ELAC1: variants seen among roughly 807,000 people sequenced by gnomAD.
ELAC1 encodes the protein zinc phosphodiesterase ELAC protein 1.
In ELAC1, 19 loss-of-function variants were observed where a neutral mutation model predicts 25.8. That is an observed-to-expected ratio of 0.74 (90% CI 0.51 to 1.08). ELAC1 has a LOEUF of 1.08. Ranked by LOEUF, ELAC1 falls within the 50% of genes least tolerant of loss-of-function variation. The probability of loss-of-function intolerance (pLI) is 0.00; values close to 1 mark genes in which losing one functional copy is unlikely to be tolerated. For missense variants in ELAC1, 403 were observed against 434.6 expected (o/e 0.93, Z 0.65); for synonymous variants, 148 against 160.9 (o/e 0.92, Z 0.61).
At position 50,974,504 on chromosome 18, in the gene ELAC1, C is replaced by T. The variant is rs757593917; in HGVS notation, c.100C>T (p.Leu34Phe). The part of the protein sequence containing the change: ...VVLRCEGECW[L>F]FDCGEGTQTQ... ...CCTTCGGTGTGAAGGCGAGTGCTGG[C>T]TCTTTGACTGTGGGGAGGGAACACA... The change falls in exon 2 of 4, where the codon CTC (leucine) becomes TTC (phenylalanine). Residue 34 changes from leucine (L) to phenylalanine (F), a missense_variant. Transcript: ENST00000269466. 1 of 1,613,044 alleles carries T rather than the reference C, an allele frequency of 6.2e-7. No individual in the cohort carries two copies. The highest frequency in any genetic ancestry group is 8.5e-7 in the Non-Finnish European group (1 of 1,179,540).
intron 2 of ELAC1, among the ~76,000 whole-genome samples, chr18:50,975,055 C>G (rs181852083): frequency 6.6e-5 from 10 of 152,182 alleles, no homozygotes; most frequent in Admixed American, 6.5e-4. Flanking sequence ...GCATTTCAAT[C>G]AGGGGGAATG....
intron 2 of ELAC1, among the ~76,000 whole-genome samples, chr18:50,980,073 C>T (rs1005642473): frequency 1.4e-4 from 22 of 152,268 alleles, no homozygotes; most frequent in Admixed American, 1.4e-3. Context: ...CACAGTGGCT[C>T]ATGCATGTAA....
In ELAC1 at chr18:50,984,251, C is replaced by A. The variant is rs1014406057; in HGVS notation, c.313C>A (p.Arg105=). The change falls in exon 3 of 4, where the codon CGA becomes AGA. Residue 105 remains arginine (R), a synonymous_variant. Coordinates refer to ENST00000269466, the MANE Select transcript of ELAC1 (RefSeq NM_018696.3). ...GPVGLRDFIW[R]TMELSHTELV... is the part of the protein sequence containing the mutation. ...TGTAGGGCTTCGGGACTTTATCTGG[C>A]GAACCATGGAACTCTCTCACACGGA... 1.2e-6 allele frequency: 2 copies of A among 1,614,098 alleles called. No individual in the cohort carries two copies. The highest frequency in any genetic ancestry group is 1.1e-5 in the South Asian group (1 of 91,080).
chr18:50,976,495 G>C (rs1907798748), intron 2 of ELAC1, among the ~76,000 whole-genome samples: 1 of 152,158 alleles, frequency 6.6e-6, no homozygotes, highest in South Asian at 2.1e-4. Flanking sequence ...CAACCCGTCA[G>C]ATCTCATGAG....
chr18:50,972,491 G>GTA (rs1377717695), intron 1 of ELAC1, among the ~76,000 whole-genome samples: 1 of 151,934 alleles, frequency 6.6e-6, no homozygotes, highest in East Asian at 1.9e-4. Context: ...ATGTATGTAT[G>GTA]TATTTGTTGA....
intron 2 of ELAC1, among the ~76,000 whole-genome samples, chr18:50,975,064 T>G (rs377047198): frequency 4.1e-4 from 62 of 152,104 alleles, no homozygotes; most frequent in Non-Finnish European, 5.9e-5. Flanking sequence ...TCAGGGGGAA[T>G]GGAGTGAGCA....
At chr18:50,973,193 A>G (rs1362622393) in intron 1 of ELAC1, among the ~76,000 whole-genome samples, 4 of 152,088 alleles carry the variant, frequency 2.6e-5, no homozygotes, top group East Asian at 1.9e-4. Context: ...AAGTTTTTGT[A>G]TATTTTATAT....
chr18:50,980,237 G>A (rs928359957), intron 2 of ELAC1, among the ~76,000 whole-genome samples: 2 of 152,012 alleles, frequency 1.3e-5, no homozygotes, highest in Non-Finnish European at 2.9e-5. Context: ...TTGAGCCCAG[G>A]AGGTCAAAGC....
chr18:50,985,714 G>A (rs958108275), intron 3 of ELAC1, among the ~76,000 whole-genome samples: 1 of 152,196 alleles, frequency 6.6e-6, no homozygotes, highest in Admixed American at 6.5e-5. Flanking sequence ...TTACCTGAAA[G>A]CCTGTGGAAA....
chr18:50,974,676 T>C (rs1342904626), intron 2 of ELAC1, 115 bp downstream of exon 2: 5 of 957,298 alleles, frequency 5.2e-6, no homozygotes, highest in Non-Finnish European at 6.4e-6. Context: ...CCCACTTCAG[T>C]GCTACACCCT....
chr18:50,973,029 G>T (rs902409852), intron 1 of ELAC1, among the ~76,000 whole-genome samples: 5 of 152,192 alleles, frequency 3.3e-5, no homozygotes, highest in African/African-American at 2.4e-5. Flanking sequence ...TCCTATCAGG[G>T]ACATAATGTG....
chr18:50,976,502 T>G (rs1907798938), intron 2 of ELAC1, among the ~76,000 whole-genome samples: 1 of 152,152 alleles, frequency 6.6e-6, no homozygotes, highest in Non-Finnish European at 1.5e-5. Flanking sequence ...TCAGATCTCA[T>G]GAGACTTATT....
intron 1 of ELAC1, 33 bp downstream of exon 1, chr18:50,968,147 G>GGCGC (rs1283182686): frequency 6.6e-6 from 1 of 152,144 alleles, no homozygotes; most frequent in Non-Finnish European, 1.5e-5. Flanking sequence ...GAGGGGGGCG[G>GGCGC]GCGCGCTTCC....
At chr18:50,972,914 A>T (rs1907702764) in intron 1 of ELAC1, among the ~76,000 whole-genome samples, 2 of 151,892 alleles carry the variant, frequency 1.3e-5, no homozygotes, top group Admixed American at 1.3e-4. Flanking sequence ...TGATTTTTGG[A>T]TTGTTTCTGT....
intron 1 of ELAC1, among the ~76,000 whole-genome samples, chr18:50,971,896 ATGTG>A (rs370758383): frequency 0.043 from 5,431 of 127,744 alleles, 459 homozygotes; most frequent in African/African-American, 0.15. Context: ...ATATGTATAT[ATGTG>A]TGTGTGTGTG....
chr18:50,984,099 G>C lies in ELAC1; in HGVS notation c.161G>C (p.Arg54Thr), dbSNP rs778267003. The C allele has an allele frequency of 3.8e-6, 6 of 1,570,716 alleles. No homozygotes were observed. The highest frequency in any genetic ancestry group is 8.6e-7 in the Non-Finnish European group (1 of 1,160,070). The change falls in exon 3 of 4, where the codon AGA (arginine) becomes ACA (threonine). Residue 54 changes from arginine (R) to threonine (T), a missense_variant. Arg to Thr is a moderately conservative substitution (Grantham distance 71). Transcript: ENST00000269466. ...QLMKSQLKAG[R>T]ITKIFITHLH... ...ATTTCTCTATCTCAATCAAAAGGGA[G>C]AATTACCAAGATCTTCATCACACAC...
Position 50,982,800 on chromosome 18 carries a change from C to T in ELAC1, c.158-1296C>T, listed in dbSNP as rs72913222. 3.8e-3 allele frequency among the ~76,000 whole-genome samples: 577 copies of T among 152,278 alleles called. 1 individual carries two copies. Among genetic ancestry groups the T allele is most frequent in the Non-Finnish European group, 6.5e-3 (443 of 68,018 alleles). On this transcript the variant is annotated intron_variant, in intron 2 of 3. Coordinates refer to ENST00000269466, the MANE Select transcript of ELAC1 (RefSeq NM_018696.3). ...GCCTTCTGTTGCCCACCTTCCTTCT[C>T]AGTTCTTCATCTTTTTCCCTCTCCT... is the stretch of plus-strand genomic sequence containing the variant.
chr18:50,977,286 G>A (rs1348691336), intron 2 of ELAC1, among the ~76,000 whole-genome samples: 1 of 152,228 alleles, frequency 6.6e-6, no homozygotes, highest in Non-Finnish European at 1.5e-5. Context: ...GAGGTTCTTT[G>A]TGAGGGCTCC....
chr18:50,973,642 T>C (rs1039512995), intron 1 of ELAC1, among the ~76,000 whole-genome samples: 6 of 152,246 alleles, frequency 3.9e-5, no homozygotes, highest in Non-Finnish European at 8.8e-5. Flanking sequence ...TGAGTATCAT[T>C]AAATACCATC....
Sources: gnomAD v4.1 joint callset for allele counts (sites outside exome capture counted in the v4.1 genomes callset) on GRCh38, gnomAD v4.1.1 for gene constraint, MANE v1.5 for transcripts, NCBI Gene and HGNC (gene_info 2026-07-23, HGNC 2026-07-21) for gene names.